The following SSPN variants were observed in gnomAD, a reference collection of about 807,000 sequenced individuals.
The protein encoded by SSPN is K-ras oncogene-associated protein.
SSPN carries 15 observed loss-of-function variants against 19.1 expected under a neutral mutation model. That is an observed-to-expected ratio of 0.78 (90% CI 0.52 to 1.21). The LOEUF is 1.21. Among genes scored for constraint, SSPN ranks in the 50% most tolerant of loss-of-function variants. SSPN has a pLI of 0.00. For missense variants in SSPN, 291 were observed against 314.0 expected (o/e 0.93, Z 0.55); for synonymous variants, 147 against 140.3 (o/e 1.05, Z -0.34).
intron 1 of SSPN, among the ~76,000 whole-genome samples, chr12:26,201,106 G>A (rs1481229957): frequency 6.8e-6 from 1 of 146,210 alleles, no homozygotes; most frequent in Non-Finnish European, 1.5e-5. Context: ...GCCGGGCATG[G>A]TGTCTTACAC....
chr12:26,165,938 C>T (rs1459772658), intron 1 of SSPN, among the ~76,000 whole-genome samples: 3 of 152,202 alleles, frequency 2.0e-5, no homozygotes, highest in African/African-American at 7.2e-5. Flanking sequence ...TTTAACTAGG[C>T]TCTCGCTTCA....
At chr12:26,122,971 G>C in intron 1 of SSPN, 3 of 1,563,444 alleles carry the variant, frequency 1.9e-6, no homozygotes, top group Non-Finnish European at 2.6e-6. Context: ...GGGACCTGTT[G>C]AGTCAACAGC....
intron 1 of SSPN, among the ~76,000 whole-genome samples, chr12:26,129,167 G>A (rs114998683): frequency 0.01 from 1,540 of 152,216 alleles, 28 homozygotes; most frequent in African/African-American, 0.034. Context: ...ATCTGCTTAG[G>A]GGCGTAGAGT....
chr12:26,124,570 G>T, intron 1 of SSPN: 5 of 1,614,164 alleles, frequency 3.1e-6, no homozygotes, highest in African/African-American at 1.3e-5. Flanking sequence ...TATACAAAGA[G>T]GAATAGTCCA....
At chr12:26,182,411 G>T (rs981186709) in intron 1 of SSPN, among the ~76,000 whole-genome samples, 3 of 152,130 alleles carry the variant, frequency 2.0e-5, no homozygotes, top group Admixed American at 6.5e-5. Flanking sequence ...ATATTATTTT[G>T]GATGGTTTTT....
At chr12:26,224,184 C>A in intron 1 of SSPN, 109 bp from the exon 2 acceptor site, 2 of 739,312 alleles carry the variant, frequency 2.7e-6, no homozygotes, top group Non-Finnish European at 4.7e-6. Context: ...GTAAAAGAAA[C>A]GGACAGCTTT....
intron 1 of SSPN, among the ~76,000 whole-genome samples, chr12:26,221,686 G>A (rs974524930): frequency 1.3e-5 from 2 of 152,328 alleles, no homozygotes; most frequent in East Asian, 3.9e-4. Context: ...TTACTGGAAT[G>A]TGTCTCTTAT....
At chr12:26,130,051 T>G (rs1053688144) in intron 1 of SSPN, among the ~76,000 whole-genome samples, 2 of 152,144 alleles carry the variant, frequency 1.3e-5, no homozygotes, top group African/African-American at 4.8e-5. Context: ...CTTCTCATAC[T>G]GATTGAGGTG....
At position 26,233,500 on chromosome 12, in the gene SSPN, C is replaced by T. The variant is rs1170069661; in HGVS notation, c.*2424C>T. The T allele has an allele frequency of 1.3e-5, 2 of 151,938 alleles. No individual in the cohort carries two copies. Among genetic ancestry groups the T allele is most frequent in the African/African-American group, 2.4e-5 (1 of 41,338 alleles). 9.4% of individuals were successfully genotyped at this position (151,938 alleles called of 1,614,324 possible). A position where few individuals can be genotyped will look rare whatever the true frequency, so the allele number is the denominator to read the frequency against. On this transcript the variant is annotated 3_prime_UTR_variant, in exon 3 of 3. Transcript: ENST00000242729. The surrounding 1 kb of genome is among the most constrained non-coding windows in gnomAD (Gnocchi z 4.3). ...CAGAAAAGAAAGAAAGAAAAGATCC[C>T]TTTGCTATGAGCTCGCTGTATATTG...
At chr12:26,210,256 A>C (rs1380624257) in intron 1 of SSPN, among the ~76,000 whole-genome samples, 1 of 152,084 alleles carries the variant, frequency 6.6e-6, no homozygotes, top group African/African-American at 2.4e-5. Flanking sequence ...TTATTTATAA[A>C]TATTTTGCTA....
chr12:26,186,221 C>A (rs1013253708), intron 1 of SSPN, among the ~76,000 whole-genome samples: 8 of 151,252 alleles, frequency 5.3e-5, no homozygotes, highest in African/African-American at 1.9e-4. Flanking sequence ...AAAACAACAA[C>A]CATTTTAAGT....
intron 1 of SSPN, among the ~76,000 whole-genome samples, chr12:26,153,752 T>C (rs1229558457): frequency 6.6e-6 from 1 of 152,230 alleles, no homozygotes; most frequent in Non-Finnish European, 1.5e-5. Context: ...AATTCTGGGT[T>C]CTGGTCCTTC....
chr12:26,226,142 T>C (rs1037420806), intron 2 of SSPN, among the ~76,000 whole-genome samples: 1 of 152,180 alleles, frequency 6.6e-6, no homozygotes, highest in Non-Finnish European at 1.5e-5. Context: ...TTCTTGATGC[T>C]TGCTGCTAGC....
chr12:26,122,109 G>C, exon 1 of SSPN: 1 of 1,549,672 alleles, frequency 6.5e-7, no homozygotes, highest in Non-Finnish European at 8.7e-7. Flanking sequence ...TTCCTGAGCA[G>C]AGCTCTCCGG....
chr12:26,143,696 G>T (rs767025085), intron 1 of SSPN, among the ~76,000 whole-genome samples: 3 of 152,182 alleles, frequency 2.0e-5, no homozygotes, highest in Non-Finnish European at 4.4e-5. Context: ...TGACATATTG[G>T]CATGTGAAAC....
intron 1 of SSPN, among the ~76,000 whole-genome samples, chr12:26,169,603 C>A (rs906464912): frequency 2.5e-4 from 36 of 144,230 alleles, no homozygotes; most frequent in Non-Finnish European, 4.3e-4. Flanking sequence ...ATTTTTTTTT[C>A]TTAGTGCAGA....
At position 26,231,208 on chromosome 12, in the gene SSPN, AT is replaced by A; in HGVS notation, c.*137del. ...CACTCTTCTAATTGAATATTTTTAT[AT>A]TTTTATGAAACAAAAGAGCATTTCT... On this transcript the variant is annotated 3_prime_UTR_variant, in exon 3 of 3. Coordinates refer to ENST00000242729, the MANE Select transcript of SSPN (RefSeq NM_005086.5). 2 of 1,267,376 alleles carry A rather than the reference AT, an allele frequency of 1.6e-6. No individual in the cohort carries two copies. Among genetic ancestry groups the A allele is most frequent in the Non-Finnish European group, 2.1e-6 (2 of 960,778 alleles). The allele number at this position is 1,267,376 out of a possible 1,614,324, so 78.5% of individuals were successfully genotyped here.
intron 1 of SSPN, among the ~76,000 whole-genome samples, chr12:26,200,157 A>C (rs1944865235): frequency 6.6e-6 from 1 of 152,056 alleles, no homozygotes; most frequent in South Asian, 2.1e-4. Context: ...CTCTCCCTCC[A>C]TTGCTCCCAT....
chr12:26,123,376 A>C (rs1468862676), intron 1 of SSPN, among the ~76,000 whole-genome samples: 1 of 152,216 alleles, frequency 6.6e-6, no homozygotes, highest in Non-Finnish European at 1.5e-5. Context: ...CTCTCCTCCC[A>C]GCTGAAAACC....
Sources: allele counts gnomAD v4.1 joint callset (sites outside exome capture counted in the v4.1 genomes callset), GRCh38; gene constraint gnomAD v4.1.1; non-coding constraint Gnocchi (gnomAD v3.1); transcripts MANE v1.5; gene names NCBI Gene and HGNC (gene_info 2026-07-23, HGNC 2026-07-21).